Variants in CFAP61 observed in about 807,000 individuals in gnomAD.
CFAP61 encodes the protein cilia and flagella associated protein 61, also known as cilia- and flagella-associated protein 61.
Under a neutral mutation model 135.6 loss-of-function variants are expected in CFAP61, and 107 were observed. The observed-to-expected ratio is 0.79, with a 90% CI of 0.67 to 0.93. The LOEUF (loss-of-function observed/expected upper bound fraction) is 0.93. Ranked by LOEUF, CFAP61 falls within the 40% of genes least tolerant of loss-of-function variation. The pLI, the probability that CFAP61 is intolerant of heterozygous loss-of-function variation, is 0.00. For synonymous variants in CFAP61, 575 were observed against 578.5 expected, an observed-to-expected ratio of 0.99 and a Z score of 0.09; for missense variants, 1,507 against 1,556.2, an observed-to-expected ratio of 0.97 and a Z score of 0.53.
intron 22 of CFAP61, among the ~76,000 whole-genome samples, chr20:20,279,197 C>T (rs952525797): frequency 6.6e-6 from 1 of 152,064 alleles, no homozygotes; most frequent in Non-Finnish European, 1.5e-5. Context: ...TAGAATCAAA[C>T]TCCTGACAAA....
intron 21 of CFAP61, chr20:20,267,352 C>T (rs2052847331): frequency 6.5e-6 from 1 of 152,760 alleles, no homozygotes; most frequent in Non-Finnish European, 1.5e-5. Context: ...CCAGCCACGT[C>T]CAAGTTTAAC....
At chr20:20,245,844 G>C (rs1468167875) in intron 18 of CFAP61, among the ~76,000 whole-genome samples, 2 of 152,126 alleles carry the variant, frequency 1.3e-5, no homozygotes, top group African/African-American at 4.8e-5. Flanking sequence ...CTCCCAATTT[G>C]TTTTAGTTTT....
chr20:20,194,034 CCTT>C (rs1462270747), intron 15 of CFAP61, among the ~76,000 whole-genome samples: 1 of 152,164 alleles, frequency 6.6e-6, no homozygotes, highest in Non-Finnish European at 1.5e-5. Flanking sequence ...TCTTTGCTCT[CCTT>C]CTTGAGAATT....
At chr20:20,155,495 G>T (rs761658687) in intron 9 of CFAP61, among the ~76,000 whole-genome samples, 4 of 152,182 alleles carry the variant, frequency 2.6e-5, no homozygotes, top group Non-Finnish European at 5.9e-5. Flanking sequence ...CACAGAGTGG[G>T]AGGAAATATT....
At chr20:20,052,753 T>C in intron 1 of CFAP61, 162 bp downstream of exon 1, 1 of 1,565,428 alleles carries the variant, frequency 6.4e-7, no homozygotes, top group Non-Finnish European at 8.7e-7. Flanking sequence ...AGCTCCAATC[T>C]GGATGCTCGA....
chr20:20,210,751 TAC>T (rs2146914769), intron 17 of CFAP61, among the ~76,000 whole-genome samples: 1 of 152,366 alleles, frequency 6.6e-6, no homozygotes, highest in East Asian at 1.9e-4. Context: ...TAGAATAAAG[TAC>T]AGTGTCATAA....
At chr20:20,121,853 C>A (rs1486767497) in intron 8 of CFAP61, among the ~76,000 whole-genome samples, 1 of 151,846 alleles carries the variant, frequency 6.6e-6, no homozygotes, top group Admixed American at 6.6e-5. Context: ...TTTGTGACTC[C>A]TCTTTTCCTT....
intron 8 of CFAP61, among the ~76,000 whole-genome samples, chr20:20,114,477 T>C (rs2049003862): frequency 6.6e-6 from 1 of 152,188 alleles, no homozygotes; most frequent in African/African-American, 2.4e-5. Context: ...TAGATTTTTA[T>C]AGAGAGGCTT....
chr20:20,196,602 T>G lies in CFAP61; in HGVS notation c.1623T>G (p.Ile541Met). 1 of 1,614,110 alleles carries G rather than the reference T, an allele frequency of 6.2e-7. No individual in the cohort carries two copies. The highest frequency in any genetic ancestry group is 8.5e-7 in the Non-Finnish European group (1 of 1,179,980). Residue 541 changes from isoleucine to methionine, a missense_variant, in exon 16 of 27, where the codon ATT becomes ATG. Transcript: ENST00000245957. ...AGTACATACGGTCCCATTACAACAT[T>G]GAAGATTTCATCTACTTCAGTCACC... ...DIEYIRSHYN[I>M]EDFIYFSHHQ... is the part of the protein sequence containing the mutation.
intron 26 of CFAP61, among the ~76,000 whole-genome samples, chr20:20,355,677 G>A (rs1376000892): frequency 1.3e-5 from 2 of 148,304 alleles, no homozygotes; most frequent in African/African-American, 2.5e-5. Context: ...ATCACACTAA[G>A]GGGAGGTGGT....
rs1001191198 is a variant in CFAP61 at position 20,277,438 on chromosome 20, C to T, written c.2776C>T (p.Pro926Ser). Residue 926 changes from proline (P) to serine (S), a missense_variant, in exon 22 of 27, where the codon CCT becomes TCT. Pro to Ser is a moderately conservative substitution (Grantham distance 74). Coordinates refer to ENST00000245957, the MANE Select transcript of CFAP61 (RefSeq NM_015585.4). ...YSASFTTPTK[P>S]FRLQCSMFFS... ...CGCCTCCTTCACCACACCCACCAAG[C>T]CTTTCAGACTCCAGTGCTCTGTAAG... 1.9e-6 allele frequency: 3 copies of T among 1,611,500 alleles called. No homozygotes were observed. Among genetic ancestry groups the T allele is most frequent in the Non-Finnish European group, 2.5e-6 (3 of 1,178,460 alleles).
chr20:20,220,084 C>G (rs1296170003), intron 17 of CFAP61: 1 of 152,410 alleles, frequency 6.6e-6, no homozygotes, highest in African/African-American at 2.4e-5. Flanking sequence ...GAGAACCAAC[C>G]ATGTCATTAG....
intron 25 of CFAP61, among the ~76,000 whole-genome samples, chr20:20,321,208 A>ATTT (rs1313248305): frequency 6.6e-6 from 1 of 152,158 alleles, no homozygotes; most frequent in Middle Eastern, 3.2e-3. Context: ...ATAAAACTTC[A>ATTT]TTTATCATAA....
chr20:20,208,158 T>C (rs1437160482), intron 17 of CFAP61, among the ~76,000 whole-genome samples: 1 of 152,184 alleles, frequency 6.6e-6, no homozygotes, highest in African/African-American at 2.4e-5. Flanking sequence ...GGTTTGGTAA[T>C]GCAAATGAGC....
At chr20:20,230,001 G>A (rs16981724) in intron 18 of CFAP61, among the ~76,000 whole-genome samples, 10,635 of 152,182 alleles carry the variant, frequency 0.07, 1,177 homozygotes, top group East Asian at 0.53. Flanking sequence ...GAATTATTAA[G>A]GTGGAGCTGT....
At chr20:20,283,070 G>A (rs1486421306) in intron 22 of CFAP61, among the ~76,000 whole-genome samples, 1 of 152,104 alleles carries the variant, frequency 6.6e-6, no homozygotes, top group African/African-American at 2.4e-5. Flanking sequence ...TATGGTTGAC[G>A]GTGATGTTCG....
Position 20,291,358 on chromosome 20 carries a change from C to T in CFAP61, c.3216+967C>T, listed in dbSNP as rs55817863. On this transcript the variant is annotated intron_variant, in intron 24 of 26. Transcript: ENST00000245957. ...CTAAGGCCTAGCAACTACTGATCTT[C>T]ATACTGTCTCAGTCACTTTGCCTTT... 4.9e-3 allele frequency among the ~76,000 whole-genome samples: 747 copies of T among 152,316 alleles called. 8 individuals carry two copies. Among genetic ancestry groups the T allele is most frequent in the African/African-American group, 0.017 (698 of 41,568 alleles).
chr20:20,281,971 T>C (rs905225269), intron 22 of CFAP61, among the ~76,000 whole-genome samples: 1 of 152,256 alleles, frequency 6.6e-6, no homozygotes, highest in African/African-American at 2.4e-5. Context: ...TTCTGCTTCT[T>C]CTATAAATTT....
chr20:20,134,803 T>C (rs1206600667), intron 8 of CFAP61, among the ~76,000 whole-genome samples: 1 of 152,158 alleles, frequency 6.6e-6, no homozygotes. Context: ...GATGCTGAGA[T>C]GGTAACAATC....
Sources: allele counts gnomAD v4.1 joint callset (sites outside exome capture counted in the v4.1 genomes callset), GRCh38; gene constraint gnomAD v4.1.1; transcripts MANE v1.5; gene names NCBI Gene and HGNC (gene_info 2026-07-23, HGNC 2026-07-21).